Variants in PRDM15 observed in about 807,000 individuals in gnomAD.
PRDM15 encodes PR domain zinc finger protein 15.
A neutral mutation model predicts 128.6 loss-of-function variants in PRDM15; 64 were observed. The ratio of observed to expected loss-of-function variants is 0.50; its 90% CI spans 0.41 to 0.61. The LOEUF (loss-of-function observed/expected upper bound fraction) is 0.61, where lower values mean the gene tolerates loss of function less well. Ranked by LOEUF, PRDM15 falls within the 20% of genes least tolerant of loss-of-function variation. The pLI is 0.00. For synonymous variants in PRDM15, 615 were observed against 621.8 expected, an observed-to-expected ratio of 0.99 and a Z score of 0.16; for missense variants, 1,242 against 1,569.1, an observed-to-expected ratio of 0.79 and a Z score of 3.52.
In PRDM15 at chr21:41,862,401, AG is replaced by A. The variant is rs2063848332; in HGVS notation, c.-9-2030del. Among the ~76,000 whole-genome samples the A allele has an allele frequency of 1.3e-5, 2 of 152,144 alleles. No individual in the cohort carries two copies. Among genetic ancestry groups the A allele is most frequent in the Admixed American group, 6.5e-5 (1 of 15,278 alleles). The stretch of plus-strand genomic sequence containing the variant: ...TTGTGTGGCCGCCTCTCCCCGGGGC[AG>A]ACCTTGCCTCTGGCCTACACCTCTC... On this transcript the variant is annotated intron_variant, in intron 1 of 23. Coordinates refer to ENST00000398548, the MANE Select transcript of PRDM15 (RefSeq NM_001040424.3). The surrounding 1 kb of genome is among the most constrained non-coding windows in gnomAD (Gnocchi z 4.1).
chr21:41,874,309 A>G (rs1314794810), intron 1 of PRDM15, among the ~76,000 whole-genome samples: 1 of 151,796 alleles, frequency 6.6e-6, no homozygotes. Context: ...CAAAGCCTGC[A>G]GGTCAGATGT....
At chr21:41,818,696 T>C (rs1294443694) in intron 18 of PRDM15, among the ~76,000 whole-genome samples, 2 of 152,260 alleles carry the variant, frequency 1.3e-5, no homozygotes, top group Non-Finnish European at 2.9e-5. Flanking sequence ...TCCAACACAC[T>C]GTCACCGGGA....
chr21:41,833,735 C>T (rs1474696568), intron 11 of PRDM15, among the ~76,000 whole-genome samples: 1 of 152,226 alleles, frequency 6.6e-6, no homozygotes, highest in Non-Finnish European at 1.5e-5. Context: ...AGGCCAGCAC[C>T]TGGCCTAACA....
chr21:41,861,608 G>C (rs1229222718), intron 1 of PRDM15: 1 of 1,613,924 alleles, frequency 6.2e-7, no homozygotes, highest in Non-Finnish European at 8.5e-7. Context: ...CCGTTGCTGA[G>C]TGGTTTAGGA....
At chr21:41,851,592 G>A (rs2063431675) in intron 5 of PRDM15, among the ~76,000 whole-genome samples, 1 of 152,174 alleles carries the variant, frequency 6.6e-6, no homozygotes, top group African/African-American at 2.4e-5. Context: ...TGCAGAGGGT[G>A]ACAGGCAGCG....
intron 16 of PRDM15, among the ~76,000 whole-genome samples, chr21:41,820,677 C>T (rs1379849810): frequency 2.0e-5 from 3 of 152,214 alleles, no homozygotes; most frequent in South Asian, 2.1e-4. Context: ...TCTTTGTTAG[C>T]GCCCCTGCAC....
In PRDM15 at chr21:41,861,541, C is replaced by CT. The variant is rs776412010; in HGVS notation, c.-9-1170_-9-1169insA. On this transcript the variant is annotated intron_variant, in intron 1 of 23. Transcript: ENST00000398548. ...AATGATTATTCCTCCTCTGCCCCCC[C>CT]CCAATCCCCAACTGTGCGCACCGGC... 42 of 1,567,458 alleles carry CT rather than the reference C, an allele frequency of 2.7e-5. 2 individuals carry two copies. Among genetic ancestry groups the CT allele is most frequent in the South Asian group, 7.0e-5 (6 of 85,380 alleles).
intron 1 of PRDM15, chr21:41,863,410 C>T (rs1294954306): frequency 6.6e-6 from 1 of 152,192 alleles, no homozygotes. Flanking sequence ...TCGGATGCAG[C>T]TCAAGTCTGA....
At position 41,823,338 on chromosome 21, in the gene PRDM15, G is replaced by A. The variant is rs1414200398; in HGVS notation, c.1741C>T (p.His581Tyr). 6 of 1,607,540 alleles carry A rather than the reference G, an allele frequency of 3.7e-6. No homozygotes were observed. Among genetic ancestry groups the A allele is most frequent in the Non-Finnish European group, 5.1e-6 (6 of 1,177,280 alleles). ...KFFRVDVLRD[H>Y]IHVHFKDIAL... is the part of the protein sequence containing the mutation. ...GACACCTTGAAGTGGACATGGATGT[G>A]GTCCCTGAGCACATCCACGCGGAAG... Residue 581 changes from histidine to tyrosine, a missense_variant, in exon 14 of 24, where the codon CAC (histidine) becomes TAC (tyrosine). By Grantham distance (83) the His-to-Tyr change is moderately conservative. Around this residue, in one of 3 missense-constraint regions of PRDM15, gnomAD observed 602 missense variants for 788.3 expected, o/e 0.76. Coordinates refer to ENST00000398548, the MANE Select transcript of PRDM15 (RefSeq NM_001040424.3).
At chr21:41,822,663 A>ATCC (rs1395484661) in intron 14 of PRDM15, among the ~76,000 whole-genome samples, 1 of 152,186 alleles carries the variant, frequency 6.6e-6, no homozygotes, top group East Asian at 1.9e-4. Context: ...CCCATGTTGA[A>ATCC]TCCTAACTCA....
rs138100696 is a variant in PRDM15, at chr21:41,867,504, C to T, written c.-9-7132G>A. 177 of 702,486 alleles carry T rather than the reference C, an allele frequency of 2.5e-4. No individual in the cohort carries two copies. The African/African-American group carries it at 2.7e-3, about 11-fold the overall frequency. The allele number at this position is 702,486 out of a possible 1,614,324, so 43.5% of individuals were successfully genotyped here. On this transcript the variant is annotated intron_variant, in intron 1 of 23. Coordinates refer to ENST00000398548, the MANE Select transcript of PRDM15 (RefSeq NM_001040424.3). ...CTGGAGCGCAGTGGTTTTTCACAGG[C>T]GTGAACATAGCGCACTACAGCCTCA...
chr21:41,846,110 G>A (rs75892511), intron 6 of PRDM15, among the ~76,000 whole-genome samples: 9,010 of 152,266 alleles, frequency 0.059, 328 homozygotes, highest in East Asian at 0.16. Flanking sequence ...AAGTCTGCTG[G>A]TGTCAGCACA....
Position 41,828,442 on chromosome 21 carries a change from G to A in PRDM15, c.1367-109C>T, listed in dbSNP as rs1568937256. ...TAAAGCGCGGGTGACGGGCATGAGAGTCACGGGGATGCGTGGCCAGGAAGA... is the reference window on the plus strand; with the variant it reads ...TAAAGCGCGGGTGACGGGCATGAGAATCACGGGGATGCGTGGCCAGGAAGA... On this transcript the variant is annotated intron_variant, in intron 11 of 23. Coordinates refer to ENST00000398548, the MANE Select transcript of PRDM15 (RefSeq NM_001040424.3). This position sits in a 1 kb window ranked among gnomAD's most constrained non-coding sequence, Gnocchi z 5.7. 1 of 1,125,108 alleles carries A rather than the reference G, an allele frequency of 8.9e-7. No individual in the cohort carries two copies. Among genetic ancestry groups the A allele is most frequent in the Non-Finnish European group, 1.3e-6 (1 of 757,308 alleles). The allele number at this position is 1,125,108 out of a possible 1,614,324, so 69.7% of individuals were successfully genotyped here. A position where few individuals can be genotyped will look rare whatever the true frequency, so the allele number is the denominator to read the frequency against.
chr21:41,847,573 C>G (rs952333013), intron 5 of PRDM15, among the ~76,000 whole-genome samples: 4 of 152,144 alleles, frequency 2.6e-5, no homozygotes, highest in African/African-American at 7.2e-5. Context: ...CTCACTGGCT[C>G]ATAGAATAAG....
intron 11 of PRDM15, chr21:41,834,412 G>C: frequency 8.5e-7 from 1 of 1,180,492 alleles, no homozygotes; most frequent in South Asian, 1.3e-5. Context: ...TCTCAACACA[G>C]GGGCGGGTGG....
rs765002120 is a variant in PRDM15 at position 41,835,568 on chromosome 21, G to A, written c.1279-44C>T. 3 of 1,534,636 alleles carry A rather than the reference G, an allele frequency of 2.0e-6. No homozygotes were observed. The Admixed American group carries it at 5.0e-5, about 26-fold the overall frequency. On this transcript the variant is annotated intron_variant, in intron 10 of 23. Coordinates refer to ENST00000398548, the MANE Select transcript of PRDM15 (RefSeq NM_001040424.3). ...CGTGAGTGAGATGGCCCAGCGCAGA[G>A]TCCACAGATGCCGAGCCCCCGACGT...
intron 11 of PRDM15, among the ~76,000 whole-genome samples, chr21:41,833,895 A>G (rs1327112189): frequency 1.3e-5 from 2 of 152,210 alleles, no homozygotes; most frequent in African/African-American, 4.8e-5. Flanking sequence ...AGCTGGTAGC[A>G]TCACTCTTGG....
intron 1 of PRDM15, 60 bp from the exon 2 acceptor site, chr21:41,860,432 G>T: frequency 6.6e-7 from 1 of 1,514,010 alleles, no homozygotes; most frequent in Non-Finnish European, 9.2e-7. Flanking sequence ...CTTTTGTTTT[G>T]TTTTTGAAAT....
At chr21:41,845,860 C>T (rs2063248827) in intron 6 of PRDM15, among the ~76,000 whole-genome samples, 1 of 152,038 alleles carries the variant, frequency 6.6e-6, no homozygotes, top group Non-Finnish European at 1.5e-5. Context: ...TGGAGGGGAC[C>T]ACCTGGCGCA....
Sources: allele counts gnomAD v4.1 joint callset (sites outside exome capture counted in the v4.1 genomes callset), GRCh38; gene constraint gnomAD v4.1.1; regional missense constraint gnomAD v4.1.1; non-coding constraint Gnocchi (gnomAD v3.1); transcripts MANE v1.5; gene names NCBI Gene and HGNC (gene_info 2026-07-23, HGNC 2026-07-21).